Variants in DLGAP2 observed in about 807,000 individuals in gnomAD.
The protein encoded by DLGAP2 is DLG associated protein 2.
Under a neutral mutation model 100.3 loss-of-function variants are expected in DLGAP2, and 26 were observed. The ratio of observed to expected loss-of-function variants is 0.26; its 90% CI spans 0.19 to 0.36. The LOEUF (loss-of-function observed/expected upper bound fraction) is 0.36, where lower values mean the gene tolerates loss of function less well. DLGAP2 is among the 10% of genes least tolerant of loss of function. The pLI, the probability that DLGAP2 is intolerant of heterozygous loss-of-function variation, is 1.00. For missense variants in DLGAP2, 1,858 were observed against 1,453.2 expected (o/e 1.28, Z -4.53); for synonymous variants, 886 against 630.1 (o/e 1.41, Z -6.08).
intron 6 of DLGAP2, among the ~76,000 whole-genome samples, chr8:1,605,117 G>A (rs1380712920): frequency 6.6e-6 from 1 of 152,134 alleles, no homozygotes; most frequent in East Asian, 1.9e-4. Context: ...ATGCAGGCCA[G>A]GCACCATCAT....
chr8:838,671 T>A (rs1315771912), intron 1 of DLGAP2, among the ~76,000 whole-genome samples: 3 of 152,172 alleles, frequency 2.0e-5, no homozygotes, highest in Non-Finnish European at 2.9e-5. Flanking sequence ...GACTATATTG[T>A]CATGTTAATG....
intron 3 of DLGAP2, among the ~76,000 whole-genome samples, chr8:1,276,377 G>C (rs1259324316): frequency 6.6e-6 from 1 of 152,024 alleles, no homozygotes; most frequent in Non-Finnish European, 1.5e-5. Flanking sequence ...GGCACTATCA[G>C]ATGGAACCGT....
At position 1,316,023 on chromosome 8, in the gene DLGAP2, A is replaced by G. The variant is rs559538054; in HGVS notation, c.106+57140A>G. Among the ~76,000 whole-genome samples the G allele has an allele frequency of 1.4e-5, 2 of 138,956 alleles. 1 individual carries two copies. The highest frequency in any genetic ancestry group is 3.2e-5 in the Non-Finnish European group (2 of 63,232). The allele number at this position is 138,956 out of a possible 152,430, so 91.2% of individuals were successfully genotyped here. A position where few individuals can be genotyped will look rare whatever the true frequency, so the allele number is the denominator to read the frequency against. ...TGCAGCGTCTCTCCAACAGTGGTCT[A>G]CACTCGAGACACTTGGCAGCTTTTA... On this transcript the variant is annotated intron_variant, in intron 3 of 14. Transcript: ENST00000637795.
chr8:1,477,256 C>T lies in DLGAP2; in HGVS notation c.107-24110C>T, dbSNP rs76572708. On this transcript the variant is annotated intron_variant, in intron 3 of 14. Coordinates refer to ENST00000637795, the MANE Select transcript of DLGAP2 (RefSeq NM_001346810.2). ...TTTGCCTAGGTCAGGTCTCAGATGA[C>T]GGCTGGAAGGTACTGGACCATAACA... Among the ~76,000 whole-genome samples the T allele has an allele frequency of 1.6e-3, 251 of 152,276 alleles. No homozygotes were observed. The East Asian group carries it at 0.028, about 17-fold the overall frequency.
intron 3 of DLGAP2, among the ~76,000 whole-genome samples, chr8:1,278,559 T>C (rs1799753009): frequency 6.6e-6 from 1 of 152,202 alleles, no homozygotes; most frequent in Admixed American, 6.5e-5. Context: ...AAAATCAGGT[T>C]TAGTAAAATT....
At chr8:1,320,438 G>A (rs181209446) in intron 3 of DLGAP2, among the ~76,000 whole-genome samples, 6 of 152,202 alleles carry the variant, frequency 3.9e-5, no homozygotes, top group Admixed American at 2.6e-4. Context: ...GGGTGGGTGC[G>A]TGGAGCCCAG....
intron 6 of DLGAP2, among the ~76,000 whole-genome samples, chr8:1,625,361 G>A (rs113983432): frequency 7.0e-4 from 107 of 152,316 alleles, no homozygotes; most frequent in African/African-American, 2.4e-3. Flanking sequence ...AGAAGTTTAA[G>A]CTAAGCCAGA....
chr8:1,494,625 G>A (rs1442233412), intron 3 of DLGAP2, among the ~76,000 whole-genome samples: 5 of 152,238 alleles, frequency 3.3e-5, no homozygotes, highest in East Asian at 3.9e-4. Context: ...CCTATTGGGC[G>A]TCTGAGGCAG....
intron 1 of DLGAP2, chr8:822,288 C>A: frequency 2.5e-6 from 1 of 399,096 alleles, no homozygotes; most frequent in South Asian, 1.3e-4. Context: ...GTGCTCCACC[C>A]GGGGAGGGGC....
At position 1,258,253 on chromosome 8, in the gene DLGAP2, G is replaced by T. The variant is rs77253327; in HGVS notation, c.74-598G>T. Among the ~76,000 whole-genome samples, 899 of 152,310 alleles carry T rather than the reference G, an allele frequency of 5.9e-3. 19 individuals carry two copies. Among genetic ancestry groups the T allele is most frequent in the East Asian group, 0.055 (285 of 5,184 alleles). On this transcript the variant is annotated intron_variant, in intron 2 of 14. Coordinates refer to ENST00000637795, the MANE Select transcript of DLGAP2 (RefSeq NM_001346810.2). ...TCAATATTGAAACTGGGATAAAATAGACCATTGTTATTTCATCTAAGTAAT... is the reference window on the plus strand; with the variant it reads ...TCAATATTGAAACTGGGATAAAATATACCATTGTTATTTCATCTAAGTAAT...
chr8:1,372,884 A>C (rs1218642553), intron 3 of DLGAP2, among the ~76,000 whole-genome samples: 1 of 152,136 alleles, frequency 6.6e-6, no homozygotes, highest in African/African-American at 2.4e-5. Context: ...CTTCCTTGTG[A>C]AATCTTAGGG....
At chr8:1,327,713 G>A (rs535090850) in intron 3 of DLGAP2, among the ~76,000 whole-genome samples, 4 of 152,082 alleles carry the variant, frequency 2.6e-5, no homozygotes, top group East Asian at 2.0e-4. Context: ...GCGTCGTGGC[G>A]GGCGCCTGTA....
intron 1 of DLGAP2, among the ~76,000 whole-genome samples, chr8:812,746 C>T (rs1245305803): frequency 7.2e-5 from 11 of 152,234 alleles, no homozygotes; most frequent in East Asian, 1.9e-4. Flanking sequence ...AGCAATCATA[C>T]GGCATACAGG....
At chr8:1,457,943 T>G (rs1443455097) in intron 3 of DLGAP2, among the ~76,000 whole-genome samples, 1 of 144,542 alleles carries the variant, frequency 6.9e-6, no homozygotes, top group East Asian at 2.0e-4. Flanking sequence ...TTATAAAAGC[T>G]AAACTCCTGT....
intron 3 of DLGAP2, among the ~76,000 whole-genome samples, chr8:1,438,699 A>T (rs1797729925): frequency 6.6e-6 from 1 of 152,234 alleles, no homozygotes; most frequent in African/African-American, 2.4e-5. Flanking sequence ...ATCACAATAC[A>T]CACTTCATCA....
intron 1 of DLGAP2, among the ~76,000 whole-genome samples, chr8:819,505 G>A (rs957361856): frequency 5.9e-5 from 9 of 152,056 alleles, no homozygotes; most frequent in Non-Finnish European, 1.0e-4. Context: ...ACTATCTTGG[G>A]AAAATATATG....
At chr8:1,041,203 A>G (rs1205598961) in intron 2 of DLGAP2, among the ~76,000 whole-genome samples, 2 of 152,192 alleles carry the variant, frequency 1.3e-5, no homozygotes, top group Non-Finnish European at 2.9e-5. Context: ...GTCCCCACCC[A>G]TGTTGTATCT....
intron 6 of DLGAP2, among the ~76,000 whole-genome samples, chr8:1,598,810 A>C (rs1796537151): frequency 6.6e-6 from 1 of 152,154 alleles, no homozygotes; most frequent in South Asian, 2.1e-4. Context: ...CTTTTCAAAA[A>C]ACCAGCTTCT....
At chr8:1,373,340 G>A (rs1426619527) in intron 3 of DLGAP2, among the ~76,000 whole-genome samples, 2 of 151,826 alleles carry the variant, frequency 1.3e-5, no homozygotes, top group East Asian at 1.9e-4. Context: ...TTCCGGAGGC[G>A]CCGCGCCTGG....
Sources: gnomAD v4.1 joint callset for allele counts (sites outside exome capture counted in the v4.1 genomes callset) on GRCh38, gnomAD v4.1.1 for gene constraint, MANE v1.5 for transcripts, NCBI Gene and HGNC (gene_info 2026-07-23, HGNC 2026-07-21) for gene names.